Variants in RNPS1 observed in about 807,000 individuals in gnomAD.
RNPS1 encodes the protein RNA binding protein with serine rich domain 1.
For missense variants in RNPS1, 300 were observed against 427.6 expected (o/e 0.70, Z 2.63); for synonymous variants, 147 against 150.0 (o/e 0.98, Z 0.15).
intron 6 of RNPS1, chr16:2,255,928 C>T (rs942425316): frequency 3.4e-6 from 2 of 584,798 alleles, no homozygotes; most frequent in Admixed American, 2.9e-5. Flanking sequence ...GAGATCGAGA[C>T]CATCCTGGCT....
At chr16:2,263,042 T>C in intron 4 of RNPS1, 54 bp downstream of exon 4, 2 of 1,568,152 alleles carry the variant, frequency 1.3e-6, no homozygotes, top group Non-Finnish European at 1.7e-6. Flanking sequence ...ACCTCGATGG[T>C]AAATCTGTAG....
intron 1 of RNPS1, 188 bp downstream of exon 1, chr16:2,267,867 G>C (rs1425247296): frequency 1.8e-5 from 28 of 1,517,540 alleles, no homozygotes; most frequent in Non-Finnish European, 4.4e-6. Context: ...CCACTTCCGG[G>C]CCACGGCCTC....
chr16:2,266,593 T>C (rs1268074932), intron 1 of RNPS1: 5 of 985,240 alleles, frequency 5.1e-6, no homozygotes, highest in Non-Finnish European at 6.0e-6. Context: ...AAGAGTTGTA[T>C]CTCCACGTCC....
At chr16:2,254,570 T>C (rs1166552034) in intron 7 of RNPS1, among the ~76,000 whole-genome samples, 1 of 151,860 alleles carries the variant, frequency 6.6e-6, no homozygotes. Flanking sequence ...GTGCTGGGAT[T>C]ACAGGCGTGA....
intron 6 of RNPS1, among the ~76,000 whole-genome samples, chr16:2,260,506 C>T (rs971306245): frequency 2.6e-5 from 4 of 151,934 alleles, no homozygotes; most frequent in East Asian, 1.9e-4. Context: ...AATAAAAAAC[C>T]GGCCTCCTAT....
intron 1 of RNPS1, chr16:2,267,307 G>C: frequency 1.0e-6 from 1 of 984,724 alleles, no homozygotes; most frequent in Non-Finnish European, 1.2e-6. Context: ...CAAATCTTCA[G>C]AGCACCTTCC....
chr16:2,262,700 C>T, intron 5 of RNPS1, 40 bp downstream of exon 5: 2 of 1,551,822 alleles, frequency 1.3e-6, no homozygotes, highest in Non-Finnish European at 1.8e-6. Context: ...GCCTGCTTGT[C>T]CACACCCCAC....
chr16:2,259,988 TGC>T (rs2093595830), intron 6 of RNPS1, among the ~76,000 whole-genome samples: 2 of 152,350 alleles, frequency 1.3e-5, no homozygotes, highest in African/African-American at 4.8e-5. Context: ...TTTAACTTTT[TGC>T]TTAAAATATT....
intron 6 of RNPS1, among the ~76,000 whole-genome samples, chr16:2,259,707 G>A (rs2093594505): frequency 6.6e-6 from 1 of 152,190 alleles, no homozygotes; most frequent in Non-Finnish European, 1.5e-5. Context: ...GGCTAACAGG[G>A]TGAAACTCCA....
chr16:2,267,632 A>G (rs1275420341), intron 1 of RNPS1: 1 of 1,080,690 alleles, frequency 9.3e-7, no homozygotes, highest in Non-Finnish European at 1.1e-6. Flanking sequence ...CGACACGCCG[A>G]CCTCGCCGCT....
At chr16:2,257,024 A>G (rs186909085) in intron 6 of RNPS1, 20 of 152,392 alleles carry the variant, frequency 1.3e-4, no homozygotes, top group African/African-American at 4.1e-4. Flanking sequence ...AGGAGATGCC[A>G]AAGACTTTGT....
chr16:2,260,290 G>C (rs1359770583), intron 6 of RNPS1, among the ~76,000 whole-genome samples: 3 of 151,260 alleles, frequency 2.0e-5, no homozygotes, highest in Non-Finnish European at 4.4e-5. Context: ...CAAGTAGCTG[G>C]GACCACAGGT....
intron 6 of RNPS1, among the ~76,000 whole-genome samples, chr16:2,259,010 C>G (rs1232103785): frequency 1.3e-5 from 2 of 150,982 alleles, no homozygotes; most frequent in Admixed American, 1.3e-4. Context: ...GTAATCCCAG[C>G]TACTCGGGAG....
In RNPS1 at chr16:2,263,132, C is replaced by G. The variant is rs570272638; in HGVS notation, c.383G>C (p.Arg128Pro). Residue 128 changes from arginine (R) to proline (P), a missense_variant, in exon 4 of 8, where the codon CGG becomes CCG. Coordinates refer to ENST00000320225, the MANE Select transcript of RNPS1 (RefSeq NM_080594.4). ...SSSSGSPSPSRRRHDNRRRSR... is the reference protein window; with the variant it reads ...SSSSGSPSPSPRRHDNRRRSR... The stretch of plus-strand genomic sequence containing the variant: ...GCGCCTCCTGTTGTCGTGTCTGCGC[C>G]GAGAAGGACTTGGAGAGCCAGAAGA... 1.1e-5 allele frequency: 18 copies of G among 1,613,178 alleles called. No homozygotes were observed. Among genetic ancestry groups the G allele is most frequent in the Non-Finnish European group, 3.4e-6 (4 of 1,179,868 alleles).
chr16:2,267,042 C>G (rs1343631644), intron 1 of RNPS1: 7 of 467,564 alleles, frequency 1.5e-5, no homozygotes, highest in African/African-American at 6.4e-5. Context: ...AAGATCTGCC[C>G]GAATGTACTT....
rs112705225 is a variant in RNPS1 at position 2,260,836 on chromosome 16, A to C, written c.676+1442T>G. On this transcript the variant is annotated intron_variant, in intron 6 of 7. Coordinates refer to ENST00000320225, the MANE Select transcript of RNPS1 (RefSeq NM_080594.4). ...CTTTTAATAAAAATGGGAAGCCCCC[A>C]AAAAAAATTGTTGGCTGGGCATGGT... 1.7e-3 allele frequency among the ~76,000 whole-genome samples: 260 copies of C among 152,242 alleles called. 2 individuals carry two copies. The highest frequency in any genetic ancestry group is 0.015 in the South Asian group (72 of 4,818).
rs2093574464 is a variant in RNPS1, at chr16:2,255,591, C to T, written c.812G>A (p.Arg271Lys). 1 of 1,581,002 alleles carries T rather than the reference C, an allele frequency of 6.3e-7. No individual in the cohort carries two copies. The highest frequency in any genetic ancestry group is 8.6e-7 in the Non-Finnish European group (1 of 1,166,060). The change falls in exon 7 of 8, where the codon AGG becomes AAG. Residue 271 changes from arginine (R) to lysine (K), a missense_variant. Coordinates refer to ENST00000320225, the MANE Select transcript of RNPS1 (RefSeq NM_080594.4). ...GAAACTACAAATTGTTTACCTTCTC[C>T]TCATCCGTGGGGGAGACCTGCGCCA... ...PMWRRSPPRM[R>K]RRSRSPRRRS...
chr16:2,254,402 T>TCCTG (rs1437680303), intron 7 of RNPS1, among the ~76,000 whole-genome samples: 1 of 152,056 alleles, frequency 6.6e-6, no homozygotes, highest in African/African-American at 2.4e-5. Context: ...CATGCCATTC[T>TCCTG]CCTGCCTCAG....
At chr16:2,261,125 G>A (rs1430728557) in intron 6 of RNPS1, among the ~76,000 whole-genome samples, 7 of 148,914 alleles carry the variant, frequency 4.7e-5, no homozygotes, top group Admixed American at 1.3e-4. Context: ...GCCAGACTCC[G>A]TCTCAAAAAA....
Sources: gnomAD v4.1 joint callset for allele counts (sites outside exome capture counted in the v4.1 genomes callset) on GRCh38, gnomAD v4.1.1 for gene constraint, MANE v1.5 for transcripts, NCBI Gene and HGNC (gene_info 2026-07-23, HGNC 2026-07-21) for gene names.